The following KLF13 variants were observed in gnomAD, a reference collection of about 807,000 sequenced individuals.
The protein encoded by KLF13 is Krueppel-like factor 13.
A neutral mutation model predicts 16.7 loss-of-function variants in KLF13; 8 were observed. The observed-to-expected ratio is 0.48, with a 90% confidence interval of 0.28 to 0.87. KLF13 has a LOEUF of 0.87. Ranked by LOEUF, KLF13 falls within the 40% of genes least tolerant of loss-of-function variation. KLF13 has a pLI of 0.10. For missense variants in KLF13, 447 were observed against 452.2 expected, an observed-to-expected ratio of 0.99 and a Z score of 0.10; for synonymous variants, 245 against 208.4, an observed-to-expected ratio of 1.18 and a Z score of -1.51.
chr15:31,418,412 A>T (rs575683962), intron 1 of KLF13, among the ~76,000 whole-genome samples: 1 of 152,204 alleles, frequency 6.6e-6, no homozygotes, highest in Non-Finnish European at 1.5e-5. Context: ...GAAAACAAAC[A>T]TAAATAAAAG....
At chr15:31,328,136 G>C (rs2140925817) in intron 1 of KLF13, among the ~76,000 whole-genome samples, 1 of 149,896 alleles carries the variant, frequency 6.7e-6, no homozygotes, top group Middle Eastern at 3.5e-3. Context: ...CGGGCGGCCT[G>C]GGTGTGGACC....
chr15:31,405,045 C>T (rs1454777563), downstream of KLF13, among the ~76,000 whole-genome samples: 1 of 152,096 alleles, frequency 6.6e-6, no homozygotes, highest in East Asian at 1.9e-4. Flanking sequence ...AACCATGTGC[C>T]CCTGAAACTC....
intron 1 of KLF13, among the ~76,000 whole-genome samples, chr15:31,368,337 C>CT (rs1467726957): frequency 1.3e-5 from 2 of 152,148 alleles, no homozygotes; most frequent in African/African-American, 4.8e-5. Flanking sequence ...CTTTCCCAAG[C>CT]TTTTAATGAC....
chr15:31,327,906 C>T (rs1034931835), intron 1 of KLF13, 117 bp downstream of exon 1: 4 of 1,111,622 alleles, frequency 3.6e-6, no homozygotes, highest in South Asian at 8.7e-5. Flanking sequence ...GCCGGAACGC[C>T]CGGGGCCTCG....
intron 2 of KLF13, among the ~76,000 whole-genome samples, chr15:31,403,075 T>G (rs956769497): frequency 2.0e-5 from 3 of 152,198 alleles, no homozygotes; most frequent in African/African-American, 4.8e-5. Context: ...CCATTTGCTC[T>G]CTCTCTACGG....
At chr15:31,430,592 C>A (rs533695577) in intron 1 of KLF13, among the ~76,000 whole-genome samples, 56 of 152,306 alleles carry the variant, frequency 3.7e-4, no homozygotes, top group African/African-American at 1.3e-3. Context: ...ATTCACTCTG[C>A]CCTCGTGGCC....
At chr15:31,335,617 A>G (rs1239674718) in intron 1 of KLF13, among the ~76,000 whole-genome samples, 1 of 152,078 alleles carries the variant, frequency 6.6e-6, no homozygotes, top group African/African-American at 2.4e-5. Context: ...TATTCTGTTT[A>G]TTGTTCTCCA....
chr15:31,335,479 G>GTGTGTGTGT (rs1555373645), intron 1 of KLF13, among the ~76,000 whole-genome samples: 1 of 139,652 alleles, frequency 7.2e-6, no homozygotes, highest in Non-Finnish European at 1.6e-5. Context: ...GTGTGTGTAT[G>GTGTGTGTGT]GTGGCGGGGC....
intron 1 of KLF13, among the ~76,000 whole-genome samples, chr15:31,418,315 T>A (rs1429459126): frequency 1.3e-5 from 2 of 152,140 alleles, no homozygotes; most frequent in East Asian, 1.9e-4. Context: ...AAATATCCAT[T>A]TGAAGAAATC....
At chr15:31,327,944 G>A (rs975235022) in intron 1 of KLF13, among the ~76,000 whole-genome samples, 155 bp downstream of exon 1, 1 of 147,778 alleles carries the variant, frequency 6.8e-6, no homozygotes, top group Non-Finnish European at 1.5e-5. Flanking sequence ...CCGACCCGCG[G>A]CTGGCCCCGC....
chr15:31,332,516 C>G (rs1263164914), intron 1 of KLF13, among the ~76,000 whole-genome samples: 1 of 152,196 alleles, frequency 6.6e-6, no homozygotes, highest in Non-Finnish European at 1.5e-5. Context: ...CCCCCTTCCC[C>G]CTCGCTGAAA....
At chr15:31,411,822 T>G (rs1234144160) in intron 1 of KLF13, among the ~76,000 whole-genome samples, 1 of 152,208 alleles carries the variant, frequency 6.6e-6, no homozygotes, top group Non-Finnish European at 1.5e-5. Flanking sequence ...TCTGTCAATC[T>G]ATTTGAAATA....
chr15:31,344,141 C>T (rs1051169577), intron 1 of KLF13, among the ~76,000 whole-genome samples: 2 of 152,186 alleles, frequency 1.3e-5, no homozygotes, highest in Non-Finnish European at 2.9e-5. Context: ...TAGCGCTGCG[C>T]ACCCACACCA....
At chr15:31,427,381 A>G (rs2040412376) in intron 1 of KLF13, among the ~76,000 whole-genome samples, 2 of 152,236 alleles carry the variant, frequency 1.3e-5, no homozygotes, top group Non-Finnish European at 2.9e-5. Context: ...TGTTGGCAAG[A>G]ATGTAGAAAA....
intron 1 of KLF13, among the ~76,000 whole-genome samples, chr15:31,427,003 G>A (rs1426276884): frequency 1.3e-5 from 2 of 152,104 alleles, no homozygotes; most frequent in Non-Finnish European, 2.9e-5. Flanking sequence ...TGGTCCCCTG[G>A]ATTCTCAGGC....
intron 2 of KLF13, among the ~76,000 whole-genome samples, chr15:31,397,192 T>G (rs1372981184): frequency 7.8e-6 from 1 of 128,248 alleles, no homozygotes; most frequent in Non-Finnish European, 1.6e-5. Flanking sequence ...CCTGAGGCCC[T>G]GAGGCCAAGA....
chr15:31,372,541 C>T lies in KLF13; in HGVS notation c.*242C>T, dbSNP rs967691639. On this transcript the variant is annotated 3_prime_UTR_variant, in exon 2 of 2. Transcript: ENST00000307145. ...GTTGAGATTCAGCGTTGTTGAACCCCCTTTCTCAGGGATGGACACGTTTCA... is the reference window on the plus strand; with the variant it reads ...GTTGAGATTCAGCGTTGTTGAACCCTCTTTCTCAGGGATGGACACGTTTCA... The T allele has an allele frequency of 1.3e-5, 7 of 522,850 alleles. No homozygotes were observed. The Admixed American group carries it at 1.5e-4, about 11-fold the overall frequency. The allele number at this position is 522,850 out of a possible 1,614,324, so 32.4% of individuals were successfully genotyped here. A position where few individuals can be genotyped will look rare whatever the true frequency, so the allele number is the denominator to read the frequency against.
intron 1 of KLF13, among the ~76,000 whole-genome samples, chr15:31,334,061 C>A (rs2038884313): frequency 6.6e-6 from 1 of 152,208 alleles, no homozygotes; most frequent in Non-Finnish European, 1.5e-5. Context: ...TCTACTCCAT[C>A]TTCCAGCTTC....
At chr15:31,378,935 G>T (rs1364665106), downstream of KLF13, among the ~76,000 whole-genome samples, 3 of 152,106 alleles carry the variant, frequency 2.0e-5, no homozygotes, top group Non-Finnish European at 4.4e-5. Flanking sequence ...GGCCAGGCTG[G>T]TCTCAAACCC....
Sources: allele counts gnomAD v4.1 joint callset (sites outside exome capture counted in the v4.1 genomes callset), GRCh38; gene constraint gnomAD v4.1.1; transcripts MANE v1.5; gene names NCBI Gene and HGNC (gene_info 2026-07-23, HGNC 2026-07-21).